Variants in PDE9A observed in about 807,000 individuals in gnomAD.
The protein encoded by PDE9A is high affinity cGMP-specific 3',5'-cyclic phosphodiesterase 9A.
PDE9A carries 60 observed loss-of-function variants against 87.4 expected under a neutral mutation model. The observed-to-expected ratio is 0.69, with a 90% CI of 0.56 to 0.85. PDE9A has a LOEUF of 0.85. PDE9A is among the 40% of genes least tolerant of loss of function. The pLI is 0.00. For synonymous variants in PDE9A, 272 were observed against 279.4 expected, an observed-to-expected ratio of 0.97 and a Z score of 0.27; for missense variants, 665 against 779.0, an observed-to-expected ratio of 0.85 and a Z score of 1.74.
chr21:42,720,660 G>A (rs2050412672), intron 4 of PDE9A, among the ~76,000 whole-genome samples: 2 of 152,110 alleles, frequency 1.3e-5, no homozygotes, highest in South Asian at 2.1e-4. Flanking sequence ...CGGGCTTGAC[G>A]ATGTCATGAC....
intron 4 of PDE9A, among the ~76,000 whole-genome samples, chr21:42,729,671 A>G (rs1253963618): frequency 6.6e-6 from 1 of 152,162 alleles, no homozygotes; most frequent in Non-Finnish European, 1.5e-5. Flanking sequence ...TGCTTTAGTC[A>G]TGTCCCACAG....
At position 42,660,857 on chromosome 21, in the gene PDE9A, C is replaced by A. The variant is rs891927970; in HGVS notation, c.69+6974C>A. Among the ~76,000 whole-genome samples the A allele has an allele frequency of 6.6e-6, 1 of 152,044 alleles. No homozygotes were observed. Among genetic ancestry groups the A allele is most frequent in the African/African-American group, 2.4e-5 (1 of 41,388 alleles). ...TGCAACTTATTTGTCTTGAACCCAT[C>A]CCTGACTGCCTGTCTCCCCCCTCAC... is the stretch of plus-strand genomic sequence containing the variant. On this transcript the variant is annotated intron_variant, in intron 1 of 19. Transcript: ENST00000291539. The surrounding 1 kb of genome is among the most constrained non-coding windows in gnomAD (Gnocchi z 4.7).
chr21:42,653,769 T>C lies in PDE9A; in HGVS notation c.-46T>C. The C allele has an allele frequency of 9.9e-7, 1 of 1,010,110 alleles. No homozygotes were observed. The highest frequency in any genetic ancestry group is 1.3e-6 in the Non-Finnish European group (1 of 761,202). The allele number at this position is 1,010,110 out of a possible 1,614,324, so 62.6% of individuals were successfully genotyped here. On this transcript the variant is annotated 5_prime_UTR_variant, in exon 1 of 20. Transcript: ENST00000291539. Reference sequence around the variant, plus strand: ...CCCCCGCCTCCCGCGGCGGCTGGCGTCGGGAAAGTACAGTAAAAAGTCCGA... The same window carrying C: ...CCCCCGCCTCCCGCGGCGGCTGGCGCCGGGAAAGTACAGTAAAAAGTCCGA...
intron 4 of PDE9A, among the ~76,000 whole-genome samples, chr21:42,710,017 G>T (rs767182038): frequency 1.3e-5 from 2 of 152,138 alleles, no homozygotes; most frequent in African/African-American, 2.4e-5. Context: ...CTTATTGTGG[G>T]CATCCTTGTC....
At chr21:42,756,655 G>C (rs979048971) in intron 10 of PDE9A, 1 of 146,750 alleles carries the variant, frequency 6.8e-6, no homozygotes, top group Non-Finnish European at 1.5e-5. Context: ...GAGGGCCCAG[G>C]GCTGTGGCCC....
chr21:42,688,481 G>A (rs140483073), intron 3 of PDE9A, among the ~76,000 whole-genome samples: 276 of 152,308 alleles, frequency 1.8e-3, no homozygotes, highest in African/African-American at 6.2e-3. Flanking sequence ...AGGAGAGGCC[G>A]GTGAAAGCCT....
rs772253038 is a variant in PDE9A at position 42,775,300 on chromosome 21, C to T, written c.*7C>T. On this transcript the variant is annotated 3_prime_UTR_variant, in exon 20 of 20. Coordinates refer to ENST00000291539, the MANE Select transcript of PDE9A (RefSeq NM_002606.3). ...TCCAGGAGACTGTGCCTGAGGAAAGCGGGGGGCGTGGCTGCAGTTCTGGAC... is the reference window on the plus strand; with the variant it reads ...TCCAGGAGACTGTGCCTGAGGAAAGTGGGGGGCGTGGCTGCAGTTCTGGAC... The T allele has an allele frequency of 2.4e-5, 38 of 1,609,222 alleles. No individual in the cohort carries two copies. Among genetic ancestry groups the T allele is most frequent in the East Asian group, 9.0e-5 (4 of 44,548 alleles).
chr21:42,695,450 G>A lies in PDE9A; in HGVS notation c.219-3518G>A, dbSNP rs976688796. Among the ~76,000 whole-genome samples, 1 of 152,210 alleles carries A rather than the reference G, an allele frequency of 6.6e-6. No homozygotes were observed. Among genetic ancestry groups the A allele is most frequent in the Non-Finnish European group, 1.5e-5 (1 of 68,046 alleles). Reference sequence around the variant, plus strand: ...GAGATAAATCAGACACCTCAGTAGCGTGAGTGAAAGTGGGGTGTGTGGTGA... The same window carrying A: ...GAGATAAATCAGACACCTCAGTAGCATGAGTGAAAGTGGGGTGTGTGGTGA... On this transcript the variant is annotated intron_variant, in intron 3 of 19. Coordinates refer to ENST00000291539, the MANE Select transcript of PDE9A (RefSeq NM_002606.3). This position sits in a 1 kb window ranked among gnomAD's most constrained non-coding sequence, Gnocchi z 4.3.
Position 42,759,550 on chromosome 21 carries a change from GGT to G in PDE9A, c.897+469_897+470del, listed in dbSNP as rs1472197896. Among the ~76,000 whole-genome samples the G allele has an allele frequency of 1.3e-5, 2 of 151,304 alleles. No individual in the cohort carries two copies. The highest frequency in any genetic ancestry group is 1.9e-4 in the East Asian group (1 of 5,142). The stretch of plus-strand genomic sequence containing the variant: ...GGAGCGTGTGTGTGTGTGAGTGTGG[GGT>G]GTGGGTGTGAGCATGGGGGTATCTG... On this transcript the variant is annotated intron_variant, in intron 11 of 19. Transcript: ENST00000291539. The surrounding 1 kb of genome is among the most constrained non-coding windows in gnomAD (Gnocchi z 7.2).
chr21:42,750,937 TC>T (rs1394372057), intron 8 of PDE9A, among the ~76,000 whole-genome samples, 178 bp from the exon 9 acceptor site: 1 of 151,888 alleles, frequency 6.6e-6, no homozygotes. Context: ...AGGTCAGAGG[TC>T]AGACAGGTCA....
At chr21:42,688,507 A>T (rs965920551) in intron 3 of PDE9A, among the ~76,000 whole-genome samples, 1 of 152,170 alleles carries the variant, frequency 6.6e-6, no homozygotes, top group Non-Finnish European at 1.5e-5. Context: ...AATGTCTGTG[A>T]ACTAGGTCAA....
intron 8 of PDE9A, among the ~76,000 whole-genome samples, chr21:42,746,594 T>G (rs2146936512): frequency 6.6e-6 from 1 of 152,316 alleles, no homozygotes; most frequent in East Asian, 1.9e-4. Flanking sequence ...TCTGCAACAG[T>G]CATGTCCCCA....
intron 3 of PDE9A, among the ~76,000 whole-genome samples, chr21:42,691,506 A>G (rs919439431): frequency 3.3e-5 from 5 of 151,272 alleles, no homozygotes; most frequent in Admixed American, 1.3e-4. Flanking sequence ...ACACATCACC[A>G]TCACCATCCA....
chr21:42,746,841 G>C (rs2053907698), intron 8 of PDE9A, among the ~76,000 whole-genome samples: 2 of 152,194 alleles, frequency 1.3e-5, no homozygotes, highest in Non-Finnish European at 2.9e-5. Context: ...ACTTCCCCCA[G>C]GAGTACATTT....
At chr21:42,768,034 G>GAGCCTGTCCTCCCTGAAGGC (rs2056571954) in intron 15 of PDE9A, among the ~76,000 whole-genome samples, 154 bp from the exon 16 acceptor site, 2 of 152,330 alleles carry the variant, frequency 1.3e-5, no homozygotes, top group South Asian at 4.1e-4. Context: ...ATTGAGAAGG[G>GAGCCTGTCCTCCCTGAAGGC]AGCCTGTCCT....
At position 42,704,769 on chromosome 21, in the gene PDE9A, G is replaced by T. The variant is rs568209241; in HGVS notation, c.262+5758G>T. Among the ~76,000 whole-genome samples the T allele has an allele frequency of 2.8e-4, 42 of 152,234 alleles. No homozygotes were observed. The highest frequency in any genetic ancestry group is 5.4e-4 in the Non-Finnish European group (37 of 68,000). On this transcript the variant is annotated intron_variant, in intron 4 of 19. Transcript: ENST00000291539. This position sits in a 1 kb window ranked among gnomAD's most constrained non-coding sequence, Gnocchi z 5.3. ...CTCAGGGGGTGGGGGGTGGGGGCAGGGTGCAGGGAGGCCAACGCCACACAG... is the reference window on the plus strand; with the variant it reads ...CTCAGGGGGTGGGGGGTGGGGGCAGTGTGCAGGGAGGCCAACGCCACACAG...
At chr21:42,670,723 TCA>T (rs1238783111) in intron 1 of PDE9A, among the ~76,000 whole-genome samples, 3 of 149,606 alleles carry the variant, frequency 2.0e-5, no homozygotes, top group Non-Finnish European at 4.5e-5. Flanking sequence ...ACACTCACAG[TCA>T]CATACACCCA....
At chr21:42,688,925 G>GC (rs1239317145) in intron 3 of PDE9A, among the ~76,000 whole-genome samples, 2 of 151,512 alleles carry the variant, frequency 1.3e-5, no homozygotes, top group East Asian at 3.9e-4. Flanking sequence ...CCTCAGTGAG[G>GC]CCCCCCAGTG....
At chr21:42,697,300 G>T (rs1415287140) in intron 3 of PDE9A, 2 of 699,756 alleles carry the variant, frequency 2.9e-6, no homozygotes, top group Admixed American at 4.5e-5. Context: ...GTTTAAAATT[G>T]TAAAGATTTT....
Sources: allele counts gnomAD v4.1 joint callset (sites outside exome capture counted in the v4.1 genomes callset), GRCh38; gene constraint gnomAD v4.1.1; non-coding constraint Gnocchi (gnomAD v3.1); transcripts MANE v1.5; gene names NCBI Gene and HGNC (gene_info 2026-07-23, HGNC 2026-07-21).